MAOB: variants seen among roughly 807,000 people sequenced by gnomAD.
MAOB encodes monoamine oxidase B.
MAOB carries 15 observed loss-of-function variants against 41.9 expected under a neutral mutation model. That is an observed-to-expected ratio of 0.36 (90% CI 0.24 to 0.55). The LOEUF is 0.55. Ranked by LOEUF, MAOB falls within the 20% of genes least tolerant of loss-of-function variation. MAOB has a pLI of 0.86. For missense variants in MAOB, 345 were observed against 398.7 expected, an observed-to-expected ratio of 0.87 and a Z score of 1.15; for synonymous variants, 167 against 144.2, an observed-to-expected ratio of 1.16 and a Z score of -1.13.
At chrX:43,783,320 C>T (rs996456960) in intron 8 of MAOB, among the ~76,000 whole-genome samples, 3 of 111,988 alleles carry the variant, frequency 2.7e-5, no homozygotes, top group Admixed American at 9.5e-5. Context: ...CCTCCAAAGA[C>T]TCTTTCCCCT....
intron 8 of MAOB, among the ~76,000 whole-genome samples, chrX:43,791,436 G>C (rs979493404): frequency 1.8e-5 from 2 of 111,811 alleles, no homozygotes; most frequent in African/African-American, 6.5e-5. Flanking sequence ...GCGTTGTGCT[G>C]TCTGCATGTG....
Position 43,882,316 on chromosome X carries a change from C to T in MAOB, c.-17G>A. On this transcript the variant is annotated 5_prime_UTR_variant, in exon 1 of 15. Coordinates refer to ENST00000378069, the MANE Select transcript of MAOB (RefSeq NM_000898.5). ...GTTGCTCATGGCGCTCGCCCCGTTC[C>T]AGGCCTCCCTGGTGCCCGCTGCTCC... 1.7e-6 allele frequency: 2 copies of T among 1,204,722 alleles called. No homozygotes were observed. Among genetic ancestry groups the T allele is most frequent in the African/African-American group, 3.5e-5 (2 of 57,655 alleles).
In MAOB at chrX:43,781,554, C is replaced by T. The variant is rs780315446; in HGVS notation, c.929-10G>A. ...ATGGTTCCACAGTAATCTTAGAGAA[C>T]AGCAAAATGGAAGAGCATATTCATC... On this transcript the variant is annotated splice_polypyrimidine_tract_variant and intron_variant, in intron 8 of 14. Coordinates refer to ENST00000378069, the MANE Select transcript of MAOB (RefSeq NM_000898.5). The T allele has an allele frequency of 1.0e-6, 1 of 994,584 alleles. No homozygotes were observed. Among genetic ancestry groups the T allele is most frequent in the Non-Finnish European group, 1.4e-6 (1 of 708,429 alleles). The allele number at this position is 994,584 out of a possible 1,213,427, so 82.0% of individuals were successfully genotyped here. A position where few individuals can be genotyped will look rare whatever the true frequency, so the allele number is the denominator to read the frequency against.
chrX:43,829,599 T>A lies in MAOB; in HGVS notation c.279+9269A>T, dbSNP rs190837885. On this transcript the variant is annotated intron_variant, in intron 3 of 14. Transcript: ENST00000378069. ...AGGACATAGCATCTCCCTGTGTACC[T>A]AGGATAGTTTTCTCAAAGTGATTCA... Among the ~76,000 whole-genome samples the A allele has an allele frequency of 9.1e-4, 102 of 111,854 alleles. 1 individual carries two copies. Among genetic ancestry groups the A allele is most frequent in the African/African-American group, 3.2e-3 (98 of 30,807 alleles).
intron 1 of MAOB, among the ~76,000 whole-genome samples, chrX:43,861,448 T>G (rs1302204183): frequency 1.8e-5 from 2 of 112,514 alleles, no homozygotes; most frequent in East Asian, 5.6e-4. Flanking sequence ...AACTACAAAT[T>G]TAATACAAAA....
At chrX:43,800,977 T>C (rs986875338) in intron 5 of MAOB, among the ~76,000 whole-genome samples, 2 of 110,886 alleles carry the variant, frequency 1.8e-5, no homozygotes, top group Non-Finnish European at 3.8e-5. Flanking sequence ...CCTCAAGTAC[T>C]CAATTTTTTA....
At chrX:43,880,822 T>C (rs2035468373) in intron 1 of MAOB, among the ~76,000 whole-genome samples, 1 of 112,093 alleles carries the variant, frequency 8.9e-6, no homozygotes, top group Non-Finnish European at 1.9e-5. Flanking sequence ...CATACTTTAG[T>C]GAGAAAATGA....
At chrX:43,836,651 A>C (rs374158920) in intron 3 of MAOB, among the ~76,000 whole-genome samples, 2 of 112,318 alleles carry the variant, frequency 1.8e-5, no homozygotes, top group African/African-American at 6.5e-5. Flanking sequence ...ACGAAAATCT[A>C]CGAACCAAGA....
intron 11 of MAOB, 99 bp downstream of exon 11, chrX:43,778,583 G>A (rs1004975882): frequency 9.0e-6 from 6 of 663,253 alleles, no homozygotes; most frequent in Non-Finnish European, 1.4e-5. Flanking sequence ...GGAAAAACAT[G>A]AACTTCAGGA....
chrX:43,808,735 T>A (rs2034704232), intron 3 of MAOB, among the ~76,000 whole-genome samples: 1 of 105,590 alleles, frequency 9.5e-6, no homozygotes, highest in South Asian at 4.9e-4. Context: ...CACAGAGTCT[T>A]GCTCTGCTGC....
At chrX:43,871,220 G>A (rs1470918449) in intron 1 of MAOB, among the ~76,000 whole-genome samples, 1 of 111,535 alleles carries the variant, frequency 9.0e-6, no homozygotes, top group African/African-American at 3.3e-5. Flanking sequence ...CTTTCAGAGA[G>A]GGACTTGGCT....
At chrX:43,800,670 A>G (rs746435206) in intron 5 of MAOB, among the ~76,000 whole-genome samples, 1 of 111,739 alleles carries the variant, frequency 8.9e-6, no homozygotes, top group East Asian at 2.8e-4. Flanking sequence ...GATAATGGAC[A>G]AATACATTAC....
intron 3 of MAOB, among the ~76,000 whole-genome samples, chrX:43,824,969 A>C (rs7067187): frequency 0.02 from 2,265 of 112,779 alleles, 64 homozygotes; most frequent in South Asian, 0.18. Context: ...GTGGCTTCCC[A>C]CATCACCCAG....
Position 43,795,795 on chromosome X carries a change from T to C in MAOB, c.712A>G (p.Ile238Val), listed in dbSNP as rs1347856793. 1 of 1,211,269 alleles carries C rather than the reference T, an allele frequency of 8.3e-7. No homozygotes were observed. Among genetic ancestry groups the C allele is most frequent in the East Asian group, 3.0e-5 (1 of 33,841 alleles). The change falls in exon 7 of 15, where the codon ATT (isoleucine) becomes GTT (valine). Residue 238 changes from isoleucine (I) to valine (V), a missense_variant. Physicochemically the swap from Ile to Val is conservative, Grantham distance 29. Transcript: ENST00000378069. The stretch of plus-strand genomic sequence containing the variant: ...AGGACATTTTCTCTTGTCTGGTCAA[T>C]GTAGATCACAGGCCTCTCCAGCTTC... ...RVKLERPVIY[I>V]DQTRENVLVE... is the part of the protein sequence containing the mutation.
At chrX:43,868,609 G>A (rs1272040668) in intron 1 of MAOB, among the ~76,000 whole-genome samples, 1 of 111,108 alleles carries the variant, frequency 9.0e-6, no homozygotes, top group African/African-American at 3.3e-5. Context: ...TAAAAGGCAA[G>A]TATGATATTT....
At chrX:43,829,899 G>T (rs1468139678) in intron 3 of MAOB, among the ~76,000 whole-genome samples, 1 of 111,747 alleles carries the variant, frequency 8.9e-6, no homozygotes, top group Non-Finnish European at 1.9e-5. Context: ...CACTCACCAG[G>T]CTATTGAGCA....
intron 1 of MAOB, among the ~76,000 whole-genome samples, chrX:43,874,328 T>G (rs1288420053): frequency 9.0e-6 from 1 of 111,421 alleles, no homozygotes; most frequent in African/African-American, 3.3e-5. Context: ...TTTGGACACC[T>G]CCTTCTACTC....
intron 3 of MAOB, among the ~76,000 whole-genome samples, chrX:43,834,202 A>G (rs1219607844): frequency 3.6e-5 from 4 of 112,116 alleles, no homozygotes; most frequent in Non-Finnish European, 5.6e-5. Context: ...TTCATGTAAA[A>G]TGGGCAACTG....
At chrX:43,782,862 G>A (rs1320477524) in intron 8 of MAOB, among the ~76,000 whole-genome samples, 6 of 111,504 alleles carry the variant, frequency 5.4e-5, no homozygotes, top group African/African-American at 1.3e-4. Context: ...AACGTAATCC[G>A]TCACGTAAAC....
Sources: gnomAD v4.1 joint callset for allele counts (sites outside exome capture counted in the v4.1 genomes callset) on GRCh38, gnomAD v4.1.1 for gene constraint, MANE v1.5 for transcripts, NCBI Gene and HGNC (gene_info 2026-07-23, HGNC 2026-07-21) for gene names.